The following TXLNB variants were observed in gnomAD, a reference collection of about 807,000 sequenced individuals.
The protein encoded by TXLNB is beta-taxilin.
Under a neutral mutation model 57.4 loss-of-function variants are expected in TXLNB, and 37 were observed. That is an observed-to-expected ratio of 0.64 (90% CI 0.50 to 0.85). TXLNB has a LOEUF of 0.85. Ranked by LOEUF, TXLNB falls within the 40% of genes least tolerant of loss-of-function variation. The probability of loss-of-function intolerance (pLI) is 0.00; values close to 1 mark genes in which losing one functional copy is unlikely to be tolerated. For missense variants in TXLNB, 848 were observed against 825.6 expected, an observed-to-expected ratio of 1.03 and a Z score of -0.33; for synonymous variants, 302 against 309.6, an observed-to-expected ratio of 0.98 and a Z score of 0.26.
At chr6:139,202,315 C>T in the TXLNB span, among the ~76,000 whole-genome samples, 1 of 152,034 alleles carries the variant, frequency 6.6e-6, no homozygotes, top group Non-Finnish European at 1.5e-5. Flanking sequence ...TACAAATTGG[C>T]CATTTTAGGA....
the TXLNB span, among the ~76,000 whole-genome samples, chr6:139,321,754 C>T: frequency 6.7e-6 from 1 of 150,188 alleles, no homozygotes; most frequent in Non-Finnish European, 1.5e-5. Context: ...GCCTCAACCT[C>T]TCAAGTAGCT....
chr6:139,239,198 G>T (rs770801762), downstream of TXLNB: 1 of 152,318 alleles, frequency 6.6e-6, no homozygotes, highest in Admixed American at 6.5e-5. This position sits in a 1 kb window ranked among gnomAD's most constrained non-coding sequence, Gnocchi z 4.7. Flanking sequence ...GAATCAAAAC[G>T]CAGAGCAGCT....
the TXLNB span, among the ~76,000 whole-genome samples, chr6:139,196,404 C>T: frequency 3.3e-5 from 3 of 90,892 alleles, no homozygotes; most frequent in East Asian, 8.2e-4. Flanking sequence ...GATGGAGTTT[C>T]GCTCTTGTTG....
At chr6:139,159,454 T>C in the TXLNB span, among the ~76,000 whole-genome samples, 1 of 152,104 alleles carries the variant, frequency 6.6e-6, no homozygotes, top group East Asian at 1.9e-4. Context: ...TGTCTTTTTT[T>C]CCTCCTTTAA....
At chr6:139,317,908 T>C in the TXLNB span, among the ~76,000 whole-genome samples, 5,364 of 152,038 alleles carry the variant, frequency 0.035, 312 homozygotes, top group African/African-American at 0.12. Flanking sequence ...TGAGAATTTT[T>C]TAAAAAATTT....
upstream of TXLNB, among the ~76,000 whole-genome samples, chr6:139,296,028 ACCTTGACCCCCCCCTCCTCCAG>A (rs1215992537): frequency 6.7e-6 from 1 of 150,060 alleles, no homozygotes; most frequent in Non-Finnish European, 1.5e-5. Flanking sequence ...CACTCTTAGA[ACCTTGACCCCCCCCTCCTCCAG>A]CCTGGGCTGG....
chr6:139,164,987 C>T, the TXLNB span, among the ~76,000 whole-genome samples: 1 of 152,142 alleles, frequency 6.6e-6, no homozygotes, highest in Non-Finnish European at 1.5e-5. Context: ...ATAAAAATAT[C>T]CCAAGCTGTG....
At chr6:139,248,029 T>G in intron 7 of TXLNB, 120 bp from the exon 8 acceptor site, 1 of 538,874 alleles carries the variant, frequency 1.9e-6, no homozygotes, top group Non-Finnish European at 3.1e-6. Context: ...TTTTATTTAC[T>G]ACAAGATTAA....
intron 5 of TXLNB, among the ~76,000 whole-genome samples, chr6:139,262,184 G>A (rs1038087526): frequency 6.6e-6 from 1 of 152,082 alleles, no homozygotes; most frequent in African/African-American, 2.4e-5. Flanking sequence ...GGGATTACAG[G>A]CGTGAGCCAC....
chr6:139,215,458 C>T, the TXLNB span, among the ~76,000 whole-genome samples: 1 of 152,132 alleles, frequency 6.6e-6, no homozygotes, highest in African/African-American at 2.4e-5. Flanking sequence ...TTCCTTACAC[C>T]TTATACAAAA....
At chr6:139,184,966 GGTTGAATAA>G in the TXLNB span, among the ~76,000 whole-genome samples, 148 of 152,176 alleles carry the variant, frequency 9.7e-4, 2 homozygotes, top group Admixed American at 9.7e-3. Context: ...CCAAACCATT[GGTTGAATAA>G]GCGCTTTATG....
chr6:139,323,184 G>A, the TXLNB span, among the ~76,000 whole-genome samples: 1 of 152,114 alleles, frequency 6.6e-6, no homozygotes, highest in African/African-American at 2.4e-5. Context: ...TGCACGAGAT[G>A]AAGAAGGGAT....
chr6:139,219,605 G>C, the TXLNB span, among the ~76,000 whole-genome samples: 1 of 152,208 alleles, frequency 6.6e-6, no homozygotes, highest in African/African-American at 2.4e-5. Context: ...GTCAGGAAGC[G>C]AAGCCACTGG....
chr6:139,210,649 C>T, the TXLNB span, among the ~76,000 whole-genome samples: 5 of 152,226 alleles, frequency 3.3e-5, 1 homozygote, highest in South Asian at 4.1e-4. Flanking sequence ...ACAGTGGGTG[C>T]AGTGCACCGT....
chr6:139,276,977 G>A, intron 2 of TXLNB, 56 bp from the exon 3 acceptor site: 1 of 1,339,800 alleles, frequency 7.5e-7, no homozygotes, highest in South Asian at 1.3e-5. Flanking sequence ...CAGGTGATAA[G>A]GGCTGGAGTC....
chr6:139,200,618 A>G, the TXLNB span, among the ~76,000 whole-genome samples: 3 of 152,200 alleles, frequency 2.0e-5, no homozygotes, highest in East Asian at 5.8e-4. Context: ...AAGTGGAGAG[A>G]GGTGGAGAGA....
the TXLNB span, among the ~76,000 whole-genome samples, chr6:139,195,120 A>G: frequency 1.3e-5 from 2 of 152,034 alleles, no homozygotes; most frequent in Admixed American, 1.3e-4. Context: ...CAATGCCTGG[A>G]GGCCATCTAT....
downstream of TXLNB, chr6:139,239,947 TAATA>T (rs1394792620): frequency 6.6e-6 from 1 of 152,024 alleles, no homozygotes; most frequent in African/African-American, 2.4e-5. This position sits in a 1 kb window ranked among gnomAD's most constrained non-coding sequence, Gnocchi z 4.7. Flanking sequence ...ACCAAAAACT[TAATA>T]AACTACAGAA....
chr6:139,174,587 G>A, the TXLNB span: 25 of 1,585,272 alleles, frequency 1.6e-5, no homozygotes, highest in Non-Finnish European at 2.2e-5. Flanking sequence ...TTAGGCTTCT[G>A]TCCCCAAGTG....
Sources: gnomAD v4.1 joint callset for allele counts (sites outside exome capture counted in the v4.1 genomes callset) on GRCh38, gnomAD v4.1.1 for gene constraint, Gnocchi (gnomAD v3.1) non-coding constraint, MANE v1.5 for transcripts, NCBI Gene and HGNC (gene_info 2026-07-23, HGNC 2026-07-21) for gene names.